ITIH1: variants seen among roughly 807,000 people sequenced by gnomAD.
ITIH1 encodes the protein inter-alpha-trypsin inhibitor heavy chain 1, also known as inter-alpha-trypsin inhibitor heavy chain H1.
In ITIH1, 94 loss-of-function variants were observed where a neutral mutation model predicts 104.6. The observed-to-expected ratio is 0.90, with a 90% CI of 0.76 to 1.07. The LOEUF (loss-of-function observed/expected upper bound fraction) is 1.07. Among genes scored for constraint, ITIH1 ranks in the 50% least tolerant of loss-of-function variants. ITIH1 has a pLI of 0.00. For synonymous variants in ITIH1, 455 were observed against 464.4 expected (o/e 0.98, Z 0.26); for missense variants, 1,193 against 1,181.4 (o/e 1.01, Z -0.14).
At chr3:52,788,790 A>G (rs1699272039) in intron 18 of ITIH1, among the ~76,000 whole-genome samples, 1 of 152,020 alleles carries the variant, frequency 6.6e-6, no homozygotes, top group African/African-American at 2.4e-5. Flanking sequence ...CAAACTCCTG[A>G]CCTCAGGTGA....
At chr3:52,782,469 A>T (rs1699084407) in intron 8 of ITIH1, among the ~76,000 whole-genome samples, 1 of 152,062 alleles carries the variant, frequency 6.6e-6, no homozygotes, top group Non-Finnish European at 1.5e-5. Context: ...AAGTGCATTC[A>T]CCTCTCCTCA....
intron 6 of ITIH1, among the ~76,000 whole-genome samples, chr3:52,781,458 G>T (rs1046404302): frequency 2.6e-5 from 4 of 151,600 alleles, no homozygotes; most frequent in East Asian, 1.9e-4. Flanking sequence ...AATATATGAA[G>T]TCCAGGAATA....
intron 12 of ITIH1, 68 bp from the exon 13 acceptor site, chr3:52,786,227 G>A: frequency 6.7e-7 from 1 of 1,499,890 alleles, no homozygotes; most frequent in Non-Finnish European, 9.0e-7. Context: ...GCCCCTCAGA[G>A]CCCCTAGCAC....
chr3:52,778,114 T>G, intron 2 of ITIH1, 97 bp downstream of exon 2: 1 of 1,383,080 alleles, frequency 7.2e-7, no homozygotes, highest in Non-Finnish European at 1.0e-6. Flanking sequence ...ATCAGGGCCA[T>G]AGGCATGGGG....
In ITIH1 at chr3:52,783,346, A is replaced by C; in HGVS notation, c.1225+7A>C. ...GATGGCGATCCCACAGAGGGTAAGC[A>C]CCTTGGGGGCTGCCTTGGGAGGTAG... On this transcript the variant is annotated splice_region_variant and intron_variant, in intron 10 of 21. Coordinates refer to ENST00000273283, the MANE Select transcript of ITIH1 (RefSeq NM_002215.4). The C allele has an allele frequency of 6.2e-7, 1 of 1,613,440 alleles. No homozygotes were observed. Among genetic ancestry groups the C allele is most frequent in the South Asian group, 1.1e-5 (1 of 90,996 alleles).
chr3:52,790,767 CAAG>C lies in ITIH1; in HGVS notation c.2345_2347del (p.Lys782del), dbSNP rs1222788777. 1.4e-5 allele frequency: 22 copies of C among 1,612,522 alleles called. No homozygotes were observed. The highest frequency in any genetic ancestry group is 1.8e-5 in the Non-Finnish European group (21 of 1,179,460). On this transcript the variant is annotated inframe_deletion, in exon 20 of 22. Coordinates refer to ENST00000273283, the MANE Select transcript of ITIH1 (RefSeq NM_002215.4). Reference sequence around the variant, plus strand: ...TCTGCAGGGTGGTGGTGACCATCAACAAGAAGAGGAACCTGGTGGTGTCTGTGG... The same window carrying C: ...TCTGCAGGGTGGTGGTGACCATCAACAAGAGGAACCTGGTGGTGTCTGTGG...
chr3:52,779,468 C>T lies in ITIH1; in HGVS notation c.447C>T (p.His149=), dbSNP rs766526820. The T allele has an allele frequency of 8.1e-6, 13 of 1,614,158 alleles. No homozygotes were observed. The highest frequency in any genetic ancestry group is 1.6e-4 in the Middle Eastern group (1 of 6,084). Residue 149 remains histidine (H), a synonymous_variant, in exon 5 of 22, where the codon CAC becomes CAT. Transcript: ENST00000273283. This position sits in a 1 kb window ranked among gnomAD's most constrained non-coding sequence, Gnocchi z 4.4. ...SGRTMEQFTI[H]LTVNPQSKVT... ...GAACTATGGAGCAATTCACCATCCA[C>T]CTCACCGTCAATCCCCAGAGCAAGG...
chr3:52,778,646 G>A (rs1427052747), intron 3 of ITIH1, 140 bp downstream of exon 3: 1 of 1,475,592 alleles, frequency 6.8e-7, no homozygotes, highest in East Asian at 2.4e-5. Context: ...CTGGCTTTGA[G>A]GGGAGGAAGA....
At chr3:52,781,210 TCTTC>T (rs1480659068) in intron 6 of ITIH1, among the ~76,000 whole-genome samples, 215 of 21,248 alleles carry the variant, frequency 0.01, 10 homozygotes, top group South Asian at 0.016. Flanking sequence ...TTTTTTTTTT[TCTTC>T]TTCTTCTTCT....
Position 52,784,197 on chromosome 3 carries a change from T to C in ITIH1, c.1226-99T>C, listed in dbSNP as rs1045976756. On this transcript the variant is annotated intron_variant, in intron 10 of 21. Coordinates refer to ENST00000273283, the MANE Select transcript of ITIH1 (RefSeq NM_002215.4). ...CCAGGAGCCTGGAGATGCTCTGAGA[T>C]GGAAGGCTTGAGCCCCAGGGAGTGT... 8.5e-6 allele frequency: 9 copies of C among 1,059,400 alleles called. No homozygotes were observed. In the East Asian group the frequency reaches 2.3e-4, roughly 28 times the overall value. The allele number at this position is 1,059,400 out of a possible 1,614,324, so 65.6% of individuals were successfully genotyped here.
rs761868950 is a variant in ITIH1, at chr3:52,785,274, A to G, written c.1593+45A>G. The stretch of plus-strand genomic sequence containing the variant: ...GGGTGGAGAGGCCAGGCAGCACCCT[A>G]GAGGCTCCAAACCCACACTGTTCCC... On this transcript the variant is annotated intron_variant, in intron 12 of 21. Coordinates refer to ENST00000273283, the MANE Select transcript of ITIH1 (RefSeq NM_002215.4). 1.1e-5 allele frequency: 17 copies of G among 1,582,722 alleles called. No individual in the cohort carries two copies. In the South Asian group the frequency reaches 1.3e-4, roughly 12 times the overall value.
chr3:52,781,197 CTTTTTTTTTTT>C (rs10526848), intron 6 of ITIH1, among the ~76,000 whole-genome samples: 2 of 69,236 alleles, frequency 2.9e-5, no homozygotes. Flanking sequence ...TCCTCCTCTT[CTTTTTTTTTTT>C]TTCTTCTTCT....
At chr3:52,782,796 A>G (rs1699096684) in intron 8 of ITIH1, among the ~76,000 whole-genome samples, 161 bp from the exon 9 acceptor site, 1 of 151,522 alleles carries the variant, frequency 6.6e-6, no homozygotes, top group South Asian at 2.1e-4. Flanking sequence ...CATCCACCCC[A>G]AGGCCCGGCA....
In ITIH1 at chr3:52,790,268, G is replaced by GTTCATTCATTCATTCA. The variant is rs3217089; in HGVS notation, c.2321+423_2321+438dup. On this transcript the variant is annotated intron_variant, in intron 19 of 21. Coordinates refer to ENST00000273283, the MANE Select transcript of ITIH1 (RefSeq NM_002215.4). ...TGACTTTTCCTTCCTTTACTAATTC[G>GTTCATTCATTCATTCA]TTCATTCATTCATTCATTCATTCAA... 3.5e-3 allele frequency: 877 copies of GTTCATTCATTCATTCA among 249,784 alleles called. 10 individuals are homozygous for GTTCATTCATTCATTCA. The highest frequency in any genetic ancestry group is 0.019 in the African/African-American group (839 of 44,330). 15.5% of individuals were successfully genotyped at this position (249,784 alleles called of 1,614,324 possible).
rs1699366407 is a variant in ITIH1, at chr3:52,791,808, A to AC, written c.2636dup (p.Trp880ValfsTer25). On this transcript the variant is annotated frameshift_variant, in exon 22 of 22. Transcript: ENST00000273283. LOFTEE classifies it low-confidence loss of function (END_TRUNC). ...GGTTTGCAAAAAGACTACAGCAAGG[A>AC]CCCGTGGCATGGGGCCGAGGTGTCC... 2 of 1,613,852 alleles carry AC rather than the reference A, an allele frequency of 1.2e-6. No individual in the cohort carries two copies. The highest frequency in any genetic ancestry group is 2.2e-5 in the South Asian group (2 of 91,064).
At position 52,780,239 on chromosome 3, in the gene ITIH1, T is replaced by TA. The variant is rs780376509; in HGVS notation, c.574-30_574-29insA. On this transcript the variant is annotated intron_variant, in intron 5 of 21. Transcript: ENST00000273283. ...ACAAAGCAAGATCCCATCTTTTTTT[T>TA]TAAAAAAATAATTTGCTTCAATGTT... 2.6e-5 allele frequency: 40 copies of TA among 1,532,076 alleles called. 1 individual carries two copies. Among genetic ancestry groups the TA allele is most frequent in the Middle Eastern group, 1.7e-4 (1 of 5,862 alleles). The allele number at this position is 1,532,076 out of a possible 1,614,324, so 94.9% of individuals were successfully genotyped here. A position where few individuals can be genotyped will look rare whatever the true frequency, so the allele number is the denominator to read the frequency against.
Position 52,783,111 on chromosome 3 carries a change from T to C in ITIH1, c.1085T>C (p.Phe362Ser), listed in dbSNP as rs779926003. ...LQAAQDFVRG[F>S]SLDEATNLNG... is the part of the protein sequence containing the mutation. ...GCAGCTCAAGACTTTGTGCGGGGCT[T>C]TTCCCTGGATGAGGGTAAGGGTGGG... The change falls in exon 9 of 22, where the codon TTT (phenylalanine) becomes TCT (serine). Residue 362 changes from phenylalanine to serine, a missense_variant. Physicochemically the swap from Phe to Ser is radical, Grantham distance 155. Coordinates refer to ENST00000273283, the MANE Select transcript of ITIH1 (RefSeq NM_002215.4). 1.9e-6 allele frequency: 3 copies of C among 1,614,012 alleles called. No homozygotes were observed. The South Asian group carries it at 3.3e-5, about 18-fold the overall frequency.
intron 2 of ITIH1, 54 bp from the exon 3 acceptor site, chr3:52,778,286 C>T: frequency 3.2e-6 from 5 of 1,568,980 alleles, no homozygotes; most frequent in Non-Finnish European, 4.4e-6. Flanking sequence ...ACAGGAAGTC[C>T]CTCGCTGACA....
In ITIH1 at chr3:52,778,590, G is replaced by C; in HGVS notation, c.305+84G>C. On this transcript the variant is annotated intron_variant, in intron 3 of 21. Coordinates refer to ENST00000273283, the MANE Select transcript of ITIH1 (RefSeq NM_002215.4). ...TTAAGAACAAGGATCGGAGTGGCCAGATAACGCAGAGCATCTCCTCATTCT... is the reference window on the plus strand; with the variant it reads ...TTAAGAACAAGGATCGGAGTGGCCACATAACGCAGAGCATCTCCTCATTCT... 5 of 1,578,206 alleles carry C rather than the reference G, an allele frequency of 3.2e-6. No individual in the cohort carries two copies. The South Asian group carries it at 5.9e-5, about 19-fold the overall frequency.
Sources: allele counts gnomAD v4.1 joint callset (sites outside exome capture counted in the v4.1 genomes callset), GRCh38; gene constraint gnomAD v4.1.1; non-coding constraint Gnocchi (gnomAD v3.1); transcripts MANE v1.5; gene names NCBI Gene and HGNC (gene_info 2026-07-23, HGNC 2026-07-21).